MMP16: variants seen among roughly 807,000 people sequenced by gnomAD.
MMP16 encodes matrix metalloproteinase-16.
MMP16 carries 12 observed loss-of-function variants against 67.8 expected under a neutral mutation model. The ratio of observed to expected loss-of-function variants is 0.18; its 90% CI spans 0.11 to 0.29. MMP16 has a LOEUF of 0.29. Among genes scored for constraint, MMP16 ranks in the 10% least tolerant of loss-of-function variants. The pLI is 1.00. For missense variants in MMP16, 475 were observed against 765.7 expected (o/e 0.62, Z 4.48); for synonymous variants, 249 against 255.9 (o/e 0.97, Z 0.26).
intron 7 of MMP16, among the ~76,000 whole-genome samples, chr8:88,074,025 A>G (rs1808605025): frequency 1.3e-5 from 2 of 152,292 alleles, no homozygotes; most frequent in South Asian, 4.1e-4. Context: ...CAGTTGCCTA[A>G]GTTCACTTCA....
chr8:88,323,196 C>A (rs2130232637), intron 1 of MMP16, among the ~76,000 whole-genome samples: 1 of 152,168 alleles, frequency 6.6e-6, no homozygotes, highest in South Asian at 2.1e-4. Context: ...AAGCAAAGAA[C>A]AAGAGAAAAG....
chr8:88,135,947 A>G (rs564005099), intron 4 of MMP16, among the ~76,000 whole-genome samples: 92 of 152,004 alleles, frequency 6.1e-4, no homozygotes, highest in African/African-American at 2.1e-3. Context: ...AGTGGGTTAA[A>G]CCATAGCAAT....
At chr8:88,188,868 T>C (rs1915013) in intron 2 of MMP16, among the ~76,000 whole-genome samples, 29,472 of 152,044 alleles carry the variant, frequency 0.19, 3,972 homozygotes, top group East Asian at 0.53. Flanking sequence ...TTGGTCAGGC[T>C]GGTCTCAAAC....
chr8:88,066,770 A>G (rs1808468691), intron 7 of MMP16, among the ~76,000 whole-genome samples: 1 of 152,138 alleles, frequency 6.6e-6, no homozygotes, highest in South Asian at 2.1e-4. Flanking sequence ...AAAGTATCTA[A>G]AATACTTGTC....
chr8:88,076,290 A>G (rs1434953584), intron 6 of MMP16, among the ~76,000 whole-genome samples: 1 of 152,156 alleles, frequency 6.6e-6, no homozygotes, highest in Non-Finnish European at 1.5e-5. Context: ...AGATACAAAG[A>G]ACTTTCTGAG....
At chr8:88,081,758 T>C (rs1444878247) in intron 6 of MMP16, among the ~76,000 whole-genome samples, 1 of 152,146 alleles carries the variant, frequency 6.6e-6, no homozygotes, top group Non-Finnish European at 1.5e-5. Context: ...AAAACAGTTT[T>C]TTTTATAAAC....
chr8:88,090,415 T>C (rs1808913917), intron 6 of MMP16, among the ~76,000 whole-genome samples: 2 of 151,934 alleles, frequency 1.3e-5, no homozygotes, highest in Non-Finnish European at 2.9e-5. Flanking sequence ...TGTGGAAAAT[T>C]AAAGAAAACT....
chr8:88,143,796 C>T (rs1808249524), intron 4 of MMP16, among the ~76,000 whole-genome samples: 1 of 151,762 alleles, frequency 6.6e-6, no homozygotes, highest in Non-Finnish European at 1.5e-5. Flanking sequence ...AAAAGACCTA[C>T]AAATATAACT....
In MMP16 at chr8:88,036,684, T is replaced by C. The variant is rs1035287592; in HGVS notation, c.*4777A>G. 1.3e-5 allele frequency: 2 copies of C among 151,820 alleles called. No individual in the cohort carries two copies. Among genetic ancestry groups the C allele is most frequent in the African/African-American group, 4.8e-5 (2 of 41,418 alleles). The allele number at this position is 151,820 out of a possible 1,614,324, so 9.4% of individuals were successfully genotyped here. On this transcript the variant is annotated 3_prime_UTR_variant, in exon 10 of 10. Coordinates refer to ENST00000286614, the MANE Select transcript of MMP16 (RefSeq NM_005941.5). Reference sequence around the variant, plus strand: ...GATTAGATCCTCTTATATGATTGACTTGACACATTTTGTGATATTACATAT... The same window carrying C: ...GATTAGATCCTCTTATATGATTGACCTGACACATTTTGTGATATTACATAT...
chr8:88,215,264 A>T (rs2129828915), intron 1 of MMP16, among the ~76,000 whole-genome samples: 1 of 151,924 alleles, frequency 6.6e-6, no homozygotes, highest in Non-Finnish European at 1.5e-5. Context: ...CAGGAGGCGG[A>T]GGTTGCAGTG....
chr8:88,202,550 T>C (rs1034206019), intron 1 of MMP16, among the ~76,000 whole-genome samples: 5 of 152,138 alleles, frequency 3.3e-5, no homozygotes, highest in African/African-American at 1.2e-4. Flanking sequence ...CAGAAGACTA[T>C]GATATGCCAT....
At chr8:88,092,860 TA>T (rs537850976) in intron 6 of MMP16, among the ~76,000 whole-genome samples, 360 of 151,922 alleles carry the variant, frequency 2.4e-3, no homozygotes, top group African/African-American at 8.2e-3. Context: ...GAAAGTTAAG[TA>T]AAAAGTTAGC....
chr8:88,052,576 C>T (rs186612372), intron 8 of MMP16, among the ~76,000 whole-genome samples: 3 of 152,238 alleles, frequency 2.0e-5, no homozygotes, highest in African/African-American at 7.2e-5. Context: ...TGTTGAAAAC[C>T]CTCCAATGCC....
chr8:88,222,922 G>C (rs1031252825), intron 1 of MMP16, among the ~76,000 whole-genome samples: 7 of 151,954 alleles, frequency 4.6e-5, no homozygotes, highest in African/African-American at 1.7e-4. Flanking sequence ...TACAGAATGG[G>C]AGAAAATTTT....
At chr8:88,269,651 T>C (rs1284947142) in intron 1 of MMP16, among the ~76,000 whole-genome samples, 1 of 152,158 alleles carries the variant, frequency 6.6e-6, no homozygotes, top group East Asian at 1.9e-4. Flanking sequence ...ACTGTCCTAA[T>C]CACTCCCTAG....
At chr8:88,140,289 G>T (rs542838842) in intron 4 of MMP16, among the ~76,000 whole-genome samples, 41 of 152,254 alleles carry the variant, frequency 2.7e-4, no homozygotes, top group African/African-American at 8.9e-4. Flanking sequence ...ATCTTGAAGA[G>T]AAATAAAAGA....
intron 1 of MMP16, among the ~76,000 whole-genome samples, chr8:88,220,987 T>G (rs1285839373): frequency 6.6e-6 from 1 of 152,138 alleles, no homozygotes; most frequent in African/African-American, 2.4e-5. Flanking sequence ...GAATGCAGGC[T>G]GGGTGAGCTA....
chr8:88,086,177 T>A (rs1454388425), intron 6 of MMP16, among the ~76,000 whole-genome samples: 1 of 151,820 alleles, frequency 6.6e-6, no homozygotes, highest in Admixed American at 6.6e-5. Flanking sequence ...TTTTCCTGTT[T>A]CTTCTTTAAT....
At chr8:88,053,988 G>C (rs1331713921) in intron 8 of MMP16, among the ~76,000 whole-genome samples, 2 of 152,028 alleles carry the variant, frequency 1.3e-5, no homozygotes, top group African/African-American at 4.8e-5. Context: ...ATTTTCTATA[G>C]TCTTTATTCT....
Sources: allele counts gnomAD v4.1 joint callset (sites outside exome capture counted in the v4.1 genomes callset), GRCh38; gene constraint gnomAD v4.1.1; transcripts MANE v1.5; gene names NCBI Gene and HGNC (gene_info 2026-07-23, HGNC 2026-07-21).